WDR64: variants seen among roughly 807,000 people sequenced by gnomAD.
The protein encoded by WDR64 is WD repeat-containing protein 64.
In WDR64, 112 loss-of-function variants were observed where a neutral mutation model predicts 139.3. That is an observed-to-expected ratio of 0.80 (90% CI 0.69 to 0.94). The LOEUF (loss-of-function observed/expected upper bound fraction) is 0.94. Ranked by LOEUF, WDR64 falls within the 40% of genes least tolerant of loss-of-function variation. The probability of loss-of-function intolerance (pLI) is 0.00; values close to 1 mark genes in which losing one functional copy is unlikely to be tolerated. For missense variants in WDR64, 1,206 were observed against 1,293.1 expected (o/e 0.93, Z 1.03); for synonymous variants, 444 against 437.7 (o/e 1.01, Z -0.18).
At chr1:241,676,942 C>A (rs115651857) in intron 4 of WDR64, among the ~76,000 whole-genome samples, 1 of 151,712 alleles carries the variant, frequency 6.6e-6, no homozygotes, top group African/African-American at 2.4e-5. Context: ...TTGTTGCAAG[C>A]CTTACAAATA....
chr1:241,653,775 C>G (rs2148046206), intron 1 of WDR64, among the ~76,000 whole-genome samples: 1 of 152,132 alleles, frequency 6.6e-6, no homozygotes, highest in East Asian at 1.9e-4. Context: ...GAACTCTTGA[C>G]CTCAGGTGAT....
chr1:241,738,223 C>T, intron 10 of WDR64, 140 bp from the exon 11 acceptor site: 1 of 1,067,986 alleles, frequency 9.4e-7, no homozygotes, highest in Non-Finnish European at 1.3e-6. Context: ...TGGAGCTTAG[C>T]AAATGCATGC....
At chr1:241,668,215 A>G (rs527876781) in intron 2 of WDR64, among the ~76,000 whole-genome samples, 147 of 152,332 alleles carry the variant, frequency 9.6e-4, no homozygotes, top group Admixed American at 2.8e-3. Context: ...AAAGTAAAAG[A>G]AGACACCCTT....
chr1:241,722,489 G>T (rs1375553204), intron 9 of WDR64, among the ~76,000 whole-genome samples: 1 of 152,156 alleles, frequency 6.6e-6, no homozygotes, highest in East Asian at 1.9e-4. Flanking sequence ...ATTCGTTGCA[G>T]TATTGCTGAA....
At chr1:241,726,296 G>T (rs1043191191) in intron 10 of WDR64, among the ~76,000 whole-genome samples, 8 of 152,108 alleles carry the variant, frequency 5.3e-5, no homozygotes, top group African/African-American at 1.9e-4. Flanking sequence ...GGGACTGCAT[G>T]TAGTGGCTCA....
chr1:241,760,759 A>ATTTTTTTTTTTTTTTT (rs71174847), intron 15 of WDR64, among the ~76,000 whole-genome samples: 1 of 87,058 alleles, frequency 1.1e-5, no homozygotes, highest in Non-Finnish European at 2.1e-5. Context: ...GTGGGTTTCC[A>ATTTTTTTTTTTTTTTT]TTTTTTTTTT....
rs557824749 is a variant in WDR64 at position 241,749,561 on chromosome 1, T to C, written c.1609T>C (p.Trp537Arg). Residue 537 changes from tryptophan (W) to arginine (R), a missense_variant, in exon 14 of 28, where the codon TGG becomes CGG. Coordinates refer to ENST00000437684, the MANE Select transcript of WDR64 (RefSeq NM_001367482.1). ...TGAYNGTVRIWDFGSGQEMKV... is the reference protein window; with the variant it reads ...TGAYNGTVRIRDFGSGQEMKV... Reference sequence around the variant, plus strand: ...TGTATGCTCAGGAACAGTCAGAATCTGGGACTTTGGCAGTGGGCAGGAGAT... The same window carrying C: ...TGTATGCTCAGGAACAGTCAGAATCCGGGACTTTGGCAGTGGGCAGGAGAT... 6.2e-7 allele frequency: 1 copy of C among 1,614,124 alleles called. No individual in the cohort carries two copies. The highest frequency in any genetic ancestry group is 1.3e-5 in the African/African-American group (1 of 75,046).
At chr1:241,709,749 C>A (rs1228764436) in intron 8 of WDR64, among the ~76,000 whole-genome samples, 1 of 152,126 alleles carries the variant, frequency 6.6e-6, no homozygotes, top group East Asian at 1.9e-4. Context: ...AATACACATA[C>A]CTTTTGACTT....
rs539490195 is a variant in WDR64 at position 241,703,263 on chromosome 1, T to C, written c.975-8539T>C. The stretch of plus-strand genomic sequence containing the variant: ...CCTGGGATGCTTCCCGTCTGCAGCA[T>C]TGCCTTCCATTCAGTGAACAACCCC... On this transcript the variant is annotated intron_variant, in intron 8 of 27. Coordinates refer to ENST00000437684, the MANE Select transcript of WDR64 (RefSeq NM_001367482.1). This position sits in a 1 kb window ranked among gnomAD's most constrained non-coding sequence, Gnocchi z 5.9. Among the ~76,000 whole-genome samples the C allele has an allele frequency of 5.9e-5, 9 of 152,250 alleles. No homozygotes were observed. In the South Asian group the frequency reaches 8.3e-4, roughly 14 times the overall value.
intron 3 of WDR64, among the ~76,000 whole-genome samples, chr1:241,673,231 A>G (rs1666308138): frequency 1.3e-5 from 2 of 151,908 alleles, no homozygotes; most frequent in South Asian, 2.1e-4. Flanking sequence ...CCTAATGCTA[A>G]ATGACGAGTT....
intron 8 of WDR64, among the ~76,000 whole-genome samples, chr1:241,694,263 T>G (rs1355824127): frequency 6.6e-6 from 1 of 152,230 alleles, no homozygotes; most frequent in Non-Finnish European, 1.5e-5. Context: ...TTTTCTAAGA[T>G]GTGATTTTCT....
chr1:241,724,314 T>C (rs1393778542), intron 10 of WDR64, among the ~76,000 whole-genome samples: 3 of 152,316 alleles, frequency 2.0e-5, no homozygotes, highest in African/African-American at 7.2e-5. Context: ...CCTAGAAACT[T>C]TGGAAGATAT....
At chr1:241,702,942 A>G (rs926339816) in intron 8 of WDR64, among the ~76,000 whole-genome samples, 3 of 152,052 alleles carry the variant, frequency 2.0e-5, no homozygotes, top group Admixed American at 2.0e-4. Context: ...TTATGGAAAA[A>G]TTTTGCCAAT....
In WDR64 at chr1:241,719,007, T is replaced by A. The variant is rs146803173; in HGVS notation, c.1055-4290T>A. On this transcript the variant is annotated intron_variant, in intron 9 of 27. Coordinates refer to ENST00000437684, the MANE Select transcript of WDR64 (RefSeq NM_001367482.1). ...GGGGCTAGGGCTTCAATATATAAAT[T>A]TGGGAGGGAATGAATTCACTCAATT... Among the ~76,000 whole-genome samples the A allele has an allele frequency of 5.6e-3, 857 of 152,178 alleles. 5 individuals carry two copies. Among genetic ancestry groups the A allele is most frequent in the Middle Eastern group, 0.014 (4 of 294 alleles).
chr1:241,657,915 C>T (rs962815265), intron 1 of WDR64, among the ~76,000 whole-genome samples: 42 of 152,254 alleles, frequency 2.8e-4, no homozygotes, highest in African/African-American at 8.9e-4. Flanking sequence ...AAAGTTCCCT[C>T]ATGCCTTTTG....
Position 241,794,693 on chromosome 1 carries a change from G to C in WDR64, c.2998-514G>C, listed in dbSNP as rs574398764. Among the ~76,000 whole-genome samples the C allele has an allele frequency of 2.6e-5, 4 of 151,944 alleles. No individual in the cohort carries two copies. The East Asian group carries it at 7.8e-4, about 29-fold the overall frequency. ...CCAGCTAATTTTTATATTTTTAGTA[G>C]AGACGGGGTTTCACCATGTTGGCCA... On this transcript the variant is annotated intron_variant, in intron 25 of 27. Coordinates refer to ENST00000437684, the MANE Select transcript of WDR64 (RefSeq NM_001367482.1).
intron 14 of WDR64, among the ~76,000 whole-genome samples, chr1:241,755,244 C>T (rs1450927187): frequency 6.6e-6 from 1 of 152,194 alleles, no homozygotes; most frequent in African/African-American, 2.4e-5. Context: ...TGTTTCCTGA[C>T]TTTTTAATGA....
At chr1:241,725,676 C>A (rs1234128457) in intron 10 of WDR64, among the ~76,000 whole-genome samples, 1 of 152,156 alleles carries the variant, frequency 6.6e-6, no homozygotes, top group African/African-American at 2.4e-5. Context: ...GAGGACGTGA[C>A]CTGACCTGCA....
At chr1:241,715,245 T>G (rs12569163) in intron 9 of WDR64, among the ~76,000 whole-genome samples, 23,762 of 152,216 alleles carry the variant, frequency 0.16, 2,236 homozygotes, top group Middle Eastern at 0.34. Flanking sequence ...ATTACAGTTA[T>G]TTAAAGATCT....
Sources: allele counts gnomAD v4.1 joint callset (sites outside exome capture counted in the v4.1 genomes callset), GRCh38; gene constraint gnomAD v4.1.1; non-coding constraint Gnocchi (gnomAD v3.1); transcripts MANE v1.5; gene names NCBI Gene and HGNC (gene_info 2026-07-23, HGNC 2026-07-21).